ATP8A2: variants seen among roughly 807,000 people sequenced by gnomAD.
ATP8A2 encodes the protein phospholipid-transporting ATPase IB.
In ATP8A2, 100 loss-of-function variants were observed where a neutral mutation model predicts 165.6. The observed-to-expected ratio is 0.60, with a 90% confidence interval of 0.51 to 0.71. The LOEUF (loss-of-function observed/expected upper bound fraction) is 0.71, where lower values mean the gene tolerates loss of function less well. ATP8A2 is among the 30% of genes least tolerant of loss of function. ATP8A2 has a pLI of 0.00. For synonymous variants in ATP8A2, 543 were observed against 548.8 expected (o/e 0.99, Z 0.15); for missense variants, 1,227 against 1,479.5 (o/e 0.83, Z 2.80).
chr13:26,005,129 A>AT (rs901703125), intron 35 of ATP8A2, among the ~76,000 whole-genome samples: 2 of 151,806 alleles, frequency 1.3e-5, no homozygotes, highest in African/African-American at 4.8e-5. Context: ...TTGATGGGAG[A>AT]TTTTTTACTA....
At chr13:25,963,989 G>C (rs1399074241) in intron 34 of ATP8A2, among the ~76,000 whole-genome samples, 1 of 152,236 alleles carries the variant, frequency 6.6e-6, no homozygotes, top group Non-Finnish European at 1.5e-5. Flanking sequence ...TGCCAACTGG[G>C]TCAGAGCATA....
chr13:25,983,878 A>G (rs1956219981), intron 35 of ATP8A2, among the ~76,000 whole-genome samples: 1 of 152,224 alleles, frequency 6.6e-6, no homozygotes, highest in East Asian at 1.9e-4. Context: ...GTGCCCAAGG[A>G]AAATTAGAAT....
chr13:25,394,114 A>C (rs904329211), intron 1 of ATP8A2, among the ~76,000 whole-genome samples: 2 of 152,208 alleles, frequency 1.3e-5, no homozygotes, highest in Non-Finnish European at 2.9e-5. Flanking sequence ...TCACCTTGTA[A>C]GTGCATCTTT....
At chr13:25,418,722 G>A (rs544127678) in intron 1 of ATP8A2, among the ~76,000 whole-genome samples, 4 of 152,266 alleles carry the variant, frequency 2.6e-5, no homozygotes, top group East Asian at 1.9e-4. Context: ...ATCGCCTTCC[G>A]AGATCCACAA....
At chr13:25,377,338 T>G (rs1000500600) in intron 1 of ATP8A2, among the ~76,000 whole-genome samples, 2 of 152,212 alleles carry the variant, frequency 1.3e-5, no homozygotes, top group Non-Finnish European at 2.9e-5. Flanking sequence ...AAAATAAAAG[T>G]GATCTCACTT....
At chr13:25,476,390 G>A (rs977981991) in intron 2 of ATP8A2, among the ~76,000 whole-genome samples, 2 of 151,820 alleles carry the variant, frequency 1.3e-5, no homozygotes, top group Non-Finnish European at 2.9e-5. Flanking sequence ...GGGTTCAAGC[G>A]ATTCTCCTGC....
chr13:25,531,457 T>TCA (rs1555291426), intron 4 of ATP8A2, among the ~76,000 whole-genome samples: 412 of 31,112 alleles, frequency 0.013, 11 homozygotes, highest in African/African-American at 0.051. Context: ...ATATATATGA[T>TCA]TATATATATG....
intron 33 of ATP8A2, among the ~76,000 whole-genome samples, chr13:25,892,462 C>CTCTCTCTG (rs1203291066): frequency 1.5e-4 from 22 of 148,224 alleles, no homozygotes; most frequent in Admixed American, 6.2e-4. Context: ...ACATTTCTCT[C>CTCTCTCTG]TCTCTCTGTC....
intron 25 of ATP8A2, among the ~76,000 whole-genome samples, chr13:25,725,102 G>C (rs2043464776): frequency 6.6e-6 from 1 of 152,170 alleles, no homozygotes; most frequent in Non-Finnish European, 1.5e-5. Flanking sequence ...ATAAATGCTG[G>C]GTTCTCCATT....
chr13:25,763,556 G>T (rs1016892350), intron 25 of ATP8A2, among the ~76,000 whole-genome samples: 2 of 152,042 alleles, frequency 1.3e-5, no homozygotes, highest in African/African-American at 4.8e-5. Flanking sequence ...TCGCCTGAAT[G>T]CACCCCCATT....
chr13:25,989,254 G>A (rs1161255495), intron 35 of ATP8A2, among the ~76,000 whole-genome samples: 1 of 152,180 alleles, frequency 6.6e-6, no homozygotes, highest in Non-Finnish European at 1.5e-5. Flanking sequence ...AAAGTGTTAG[G>A]GAAAGAGGAG....
chr13:25,825,041 TTC>T (rs1263610854), intron 27 of ATP8A2, among the ~76,000 whole-genome samples: 1 of 151,956 alleles, frequency 6.6e-6, no homozygotes, highest in Admixed American at 6.6e-5. Flanking sequence ...GCTGTGGGCA[TTC>T]TCTCTTGATT....
At chr13:25,883,483 C>T (rs1953046858) in intron 33 of ATP8A2, among the ~76,000 whole-genome samples, 1 of 152,094 alleles carries the variant, frequency 6.6e-6, no homozygotes, top group Non-Finnish European at 1.5e-5. Context: ...GTGCAAGTCT[C>T]TCACCCACTG....
chr13:25,815,815 A>G (rs941790428), intron 27 of ATP8A2, among the ~76,000 whole-genome samples: 1 of 152,256 alleles, frequency 6.6e-6, no homozygotes, highest in African/African-American at 2.4e-5. Flanking sequence ...ATGAATAAAC[A>G]AAGTATGCTA....
intron 24 of ATP8A2, among the ~76,000 whole-genome samples, chr13:25,628,881 C>T (rs780532665): frequency 7.9e-5 from 12 of 152,136 alleles, no homozygotes; most frequent in African/African-American, 2.2e-4. Context: ...CTCCAACATA[C>T]GTTTTATTGT....
At chr13:25,506,578 T>C (rs2037044142) in intron 2 of ATP8A2, among the ~76,000 whole-genome samples, 2 of 152,270 alleles carry the variant, frequency 1.3e-5, no homozygotes, top group Admixed American at 1.3e-4. Context: ...TTCTGGCCAA[T>C]GAGACGGGAG....
intron 35 of ATP8A2, among the ~76,000 whole-genome samples, chr13:26,002,537 A>C (rs1046035800): frequency 4.0e-5 from 6 of 151,624 alleles, no homozygotes; most frequent in African/African-American, 1.5e-4. Context: ...CAGGCTGTGC[A>C]CATGTACCCT....
At chr13:25,831,395 A>G (rs1433911179) in intron 28 of ATP8A2, among the ~76,000 whole-genome samples, 1 of 151,716 alleles carries the variant, frequency 6.6e-6, no homozygotes, top group African/African-American at 2.4e-5. Context: ...TTGTATTTTT[A>G]GTAGAGATGA....
At chr13:25,396,234 T>A (rs2033420336) in intron 1 of ATP8A2, among the ~76,000 whole-genome samples, 1 of 152,192 alleles carries the variant, frequency 6.6e-6, no homozygotes, top group South Asian at 2.1e-4. Context: ...ATCTTCCTTC[T>A]TGGTGTGGAG....
Sources: gnomAD v4.1 joint callset for allele counts (sites outside exome capture counted in the v4.1 genomes callset) on GRCh38, gnomAD v4.1.1 for gene constraint, MANE v1.5 for transcripts, NCBI Gene and HGNC (gene_info 2026-07-23, HGNC 2026-07-21) for gene names.